The following SLC2A12 variants were observed in gnomAD, a reference collection of about 807,000 sequenced individuals.
SLC2A12 encodes the protein solute carrier family 2, facilitated glucose transporter member 12.
SLC2A12 carries 23 observed loss-of-function variants against 41.8 expected under a neutral mutation model. That is an observed-to-expected ratio of 0.55 (90% CI 0.40 to 0.78). SLC2A12 has a LOEUF of 0.78. Ranked by LOEUF, SLC2A12 falls within the 30% of genes least tolerant of loss-of-function variation. SLC2A12 has a pLI of 0.00. For synonymous variants in SLC2A12, 295 were observed against 285.9 expected, an observed-to-expected ratio of 1.03 and a Z score of -0.32; for missense variants, 654 against 745.6, an observed-to-expected ratio of 0.88 and a Z score of 1.43.
At chr6:133,991,331 T>G in intron 4 of SLC2A12, 23 bp from the exon 5 acceptor site, 5 of 1,606,136 alleles carry the variant, frequency 3.1e-6, no homozygotes, top group Non-Finnish European at 4.2e-6. Flanking sequence ...GAGGCACTAA[T>G]GAAAATGTCA....
In SLC2A12 at chr6:134,028,942, G is replaced by GT; in HGVS notation, c.882dup (p.Pro295ThrfsTer20). The GT allele has an allele frequency of 1.2e-6, 2 of 1,614,220 alleles. No homozygotes were observed. ...GTTGATGCATAGAACAATATGTTTG[G>GT]TTGGCCAGTGATTTGTACAAAAAAT... is the stretch of plus-strand genomic sequence containing the variant. On this transcript the variant is annotated frameshift_variant, in exon 2 of 5. Coordinates refer to ENST00000275230, the MANE Select transcript of SLC2A12 (RefSeq NM_145176.3). LOFTEE classifies it high-confidence loss of function.
At chr6:134,038,605 C>T (rs1777337721) in intron 1 of SLC2A12, among the ~76,000 whole-genome samples, 1 of 151,178 alleles carries the variant, frequency 6.6e-6, no homozygotes, top group African/African-American at 2.4e-5. Flanking sequence ...AGTGATCCAC[C>T]TGCTTCTGGC....
intron 4 of SLC2A12, among the ~76,000 whole-genome samples, chr6:133,996,362 A>T (rs2114418333): frequency 6.6e-6 from 1 of 152,342 alleles, no homozygotes; most frequent in East Asian, 1.9e-4. Context: ...TCCCATTTTG[A>T]GTTTGTAGCT....
At chr6:134,006,176 G>GAAAAAAAAAAAAAAAAAAAAAA (rs1182572567) in intron 3 of SLC2A12, among the ~76,000 whole-genome samples, 2 of 61,768 alleles carry the variant, frequency 3.2e-5, no homozygotes, top group African/African-American at 1.1e-4. Context: ...GAGACTATCG[G>GAAAAAAAAAAAAAAAAAAAAAA]AAAAAAAAAA....
At chr6:134,008,520 G>A (rs1164800201) in intron 2 of SLC2A12, among the ~76,000 whole-genome samples, 1 of 152,066 alleles carries the variant, frequency 6.6e-6, no homozygotes, top group Admixed American at 6.6e-5. Flanking sequence ...GTCTTCCCCT[G>A]CCCCTCTCCA....
At chr6:134,020,599 C>A (rs1410812939) in intron 2 of SLC2A12, among the ~76,000 whole-genome samples, 4 of 152,082 alleles carry the variant, frequency 2.6e-5, no homozygotes, top group Non-Finnish European at 5.9e-5. Context: ...AGGATTGACT[C>A]TTAGCAAGAA....
chr6:133,991,048 G>C lies in SLC2A12; in HGVS notation c.*107C>G. On this transcript the variant is annotated 3_prime_UTR_variant, in exon 5 of 5. Transcript: ENST00000275230. ...ATTTCAGAGTGTCTCTTCAAAACCAGTTCCATGACACTGAAAAGAGAGCAC... is the reference window on the plus strand; with the variant it reads ...ATTTCAGAGTGTCTCTTCAAAACCACTTCCATGACACTGAAAAGAGAGCAC... 7.5e-7 allele frequency: 1 copy of C among 1,327,134 alleles called. No homozygotes were observed. Among genetic ancestry groups the C allele is most frequent in the Admixed American group, 2.4e-5 (1 of 41,330 alleles). The allele number at this position is 1,327,134 out of a possible 1,614,324, so 82.2% of individuals were successfully genotyped here. A position where few individuals can be genotyped will look rare whatever the true frequency, so the allele number is the denominator to read the frequency against.
chr6:134,036,630 T>C (rs908129170), intron 1 of SLC2A12, among the ~76,000 whole-genome samples: 2 of 152,016 alleles, frequency 1.3e-5, no homozygotes, highest in African/African-American at 4.8e-5. Context: ...GTTTGTCGAG[T>C]GAATGAATGA....
chr6:134,047,276 C>T (rs951330135), intron 1 of SLC2A12, among the ~76,000 whole-genome samples: 1 of 152,092 alleles, frequency 6.6e-6, no homozygotes, highest in Non-Finnish European at 1.5e-5. Flanking sequence ...TTATATAACC[C>T]GTTCTTGCTC....
intron 2 of SLC2A12, among the ~76,000 whole-genome samples, chr6:134,020,016 T>G (rs149711941): frequency 0.038 from 5,551 of 145,048 alleles, 343 homozygotes; most frequent in African/African-American, 0.13. Context: ...CAGAGTGAGA[T>G]TCCATCTCAA....
intron 4 of SLC2A12, 63 bp from the exon 5 acceptor site, chr6:133,991,371 G>A: frequency 6.5e-7 from 1 of 1,549,546 alleles, no homozygotes. Context: ...AAATGTGTAG[G>A]CTATTATTTT....
intron 1 of SLC2A12, among the ~76,000 whole-genome samples, chr6:134,045,549 G>GATA (rs1201767259): frequency 1.3e-5 from 2 of 152,162 alleles, no homozygotes; most frequent in Non-Finnish European, 2.9e-5. Flanking sequence ...ACAAGATAAA[G>GATA]ATAATAATAT....
At chr6:134,024,885 T>C (rs1202151285) in intron 2 of SLC2A12, among the ~76,000 whole-genome samples, 3 of 152,226 alleles carry the variant, frequency 2.0e-5, no homozygotes, top group African/African-American at 7.2e-5. Context: ...GTTTAAGCCA[T>C]TGTTATTTTG....
intron 1 of SLC2A12, among the ~76,000 whole-genome samples, chr6:134,033,742 C>T (rs1462412136): frequency 6.6e-6 from 1 of 152,134 alleles, no homozygotes; most frequent in Non-Finnish European, 1.5e-5. Flanking sequence ...CTCTTCCTTT[C>T]TTGTTTTCCT....
Position 133,990,219 on chromosome 6 carries a change from G to T in SLC2A12, c.*936C>A, listed in dbSNP as rs1187641842. ...TATAGCCTGTGTACCGTAACCTGAG[G>T]TAGTGATATTCCTGAGGAGTGTGAA... On this transcript the variant is annotated 3_prime_UTR_variant, in exon 5 of 5. Coordinates refer to ENST00000275230, the MANE Select transcript of SLC2A12 (RefSeq NM_145176.3). The T allele has an allele frequency of 6.6e-6, 1 of 152,600 alleles. No homozygotes were observed. Among genetic ancestry groups the T allele is most frequent in the Non-Finnish European group, 1.5e-5 (1 of 68,040 alleles). 9.5% of individuals were successfully genotyped at this position (152,600 alleles called of 1,614,324 possible).
At chr6:134,034,627 T>C (rs191663408) in intron 1 of SLC2A12, among the ~76,000 whole-genome samples, 8 of 152,260 alleles carry the variant, frequency 5.3e-5, no homozygotes, top group Admixed American at 2.6e-4. Flanking sequence ...GAGATACCTT[T>C]TTCTAAGAAA....
chr6:134,011,458 T>C lies in SLC2A12; in HGVS notation c.1445-4524A>G, dbSNP rs527395097. Among the ~76,000 whole-genome samples, 3 of 150,760 alleles carry C rather than the reference T, an allele frequency of 2.0e-5. No individual in the cohort carries two copies. The South Asian group carries it at 6.3e-4, about 32-fold the overall frequency. On this transcript the variant is annotated intron_variant, in intron 2 of 4. Coordinates refer to ENST00000275230, the MANE Select transcript of SLC2A12 (RefSeq NM_145176.3). ...GCAATGTAGTGAAACCCCGTCTCTA[T>C]AAAAAAATACAAAAATTAGCCAGGT...
chr6:134,052,295 ACG>A, intron 1 of SLC2A12, 81 bp downstream of exon 1: 1 of 1,109,196 alleles, frequency 9.0e-7, no homozygotes, highest in Non-Finnish European at 1.3e-6. Flanking sequence ...ACACACACAC[ACG>A]GGACTCAAGA....
chr6:134,041,277 A>C (rs1777377791), intron 1 of SLC2A12, among the ~76,000 whole-genome samples: 1 of 152,198 alleles, frequency 6.6e-6, no homozygotes, highest in Non-Finnish European at 1.5e-5. Flanking sequence ...TTGCCTATCC[A>C]GCCCAGAGTT....
Sources: gnomAD v4.1 joint callset for allele counts (sites outside exome capture counted in the v4.1 genomes callset) on GRCh38, gnomAD v4.1.1 for gene constraint, MANE v1.5 for transcripts, NCBI Gene and HGNC (gene_info 2026-07-23, HGNC 2026-07-21) for gene names.